TRIM37: variants seen among roughly 807,000 people sequenced by gnomAD.
The protein encoded by TRIM37 is E3 ubiquitin-protein ligase TRIM37.
TRIM37 carries 80 observed loss-of-function variants against 129.8 expected under a neutral mutation model. That is an observed-to-expected ratio of 0.62 (90% CI 0.51 to 0.74). The LOEUF (loss-of-function observed/expected upper bound fraction) is 0.74, where lower values mean the gene tolerates loss of function less well. Among genes scored for constraint, TRIM37 ranks in the 30% least tolerant of loss-of-function variants. The pLI, the probability that TRIM37 is intolerant of heterozygous loss-of-function variation, is 0.00. For synonymous variants in TRIM37, 389 were observed against 387.1 expected (o/e 1.00, Z -0.06); for missense variants, 1,054 against 1,176.5 (o/e 0.90, Z 1.52).
the TRIM37 span, among the ~76,000 whole-genome samples, chr17:58,970,260 C>T: frequency 5.3e-5 from 8 of 152,090 alleles, no homozygotes; most frequent in African/African-American, 2.4e-5. Flanking sequence ...AAAAGAAGAG[C>T]TCATGTCCTA....
intron 17 of TRIM37, among the ~76,000 whole-genome samples, chr17:59,036,648 C>A (rs1286183663): frequency 6.6e-6 from 1 of 152,024 alleles, no homozygotes; most frequent in Non-Finnish European, 1.5e-5. Flanking sequence ...ATAAATATTT[C>A]TTGTTTCAAG....
chr17:59,073,209 A>G (rs1448337725), intron 8 of TRIM37: 5 of 152,242 alleles, frequency 3.3e-5, no homozygotes, highest in Non-Finnish European at 5.9e-5. Context: ...ATACATCCAT[A>G]AACAATGTTC....
At chr17:59,024,719 T>C (rs1158980860) in intron 19 of TRIM37, among the ~76,000 whole-genome samples, 1 of 152,218 alleles carries the variant, frequency 6.6e-6, no homozygotes, top group African/African-American at 2.4e-5. Context: ...TTTGTAGAGA[T>C]TAAGGTCTTG....
chr17:59,081,964 A>AAAAAAAAAAAAAAAAT (rs1568200247), intron 5 of TRIM37, among the ~76,000 whole-genome samples: 1 of 87,228 alleles, frequency 1.1e-5, no homozygotes, highest in Non-Finnish European at 2.2e-5. Context: ...AAAAAAAAAA[A>AAAAAAAAAAAAAAAAT]AATAATAATA....
chr17:59,009,709 G>A (rs1273644034), intron 22 of TRIM37, among the ~76,000 whole-genome samples: 1 of 152,192 alleles, frequency 6.6e-6, no homozygotes, highest in East Asian at 1.9e-4. Flanking sequence ...GCCTCCCAAA[G>A]TGTTGGGACT....
At chr17:59,089,805 T>C (rs2044125164) in intron 3 of TRIM37, among the ~76,000 whole-genome samples, 1 of 152,068 alleles carries the variant, frequency 6.6e-6, no homozygotes, top group South Asian at 2.1e-4. Context: ...TATAAGATAA[T>C]GTAAGAAAGG....
intron 7 of TRIM37, among the ~76,000 whole-genome samples, chr17:59,076,358 T>C (rs1455142666): frequency 6.6e-6 from 1 of 152,162 alleles, no homozygotes; most frequent in African/African-American, 2.4e-5. Flanking sequence ...CTAGGCAACA[T>C]GGTGAGACCC....
rs1036974392 is a variant in TRIM37 at position 59,086,785 on chromosome 17, C to T, written c.281+1506G>A. 2.0e-5 allele frequency among the ~76,000 whole-genome samples: 3 copies of T among 152,124 alleles called. No homozygotes were observed. The East Asian group carries it at 5.8e-4, about 29-fold the overall frequency. On this transcript the variant is annotated intron_variant, in intron 4 of 23. Transcript: ENST00000262294. ...TGCCAAAACTCCTCTTAATTAACAGCCTGTATTCACTTGCAGCAAGGGGAG... is the reference window on the plus strand; with the variant it reads ...TGCCAAAACTCCTCTTAATTAACAGTCTGTATTCACTTGCAGCAAGGGGAG...
chr17:59,036,548 T>A (rs1052368637), intron 17 of TRIM37, among the ~76,000 whole-genome samples: 7 of 151,244 alleles, frequency 4.6e-5, no homozygotes, highest in Non-Finnish European at 1.0e-4. Flanking sequence ...GGTGGCAGAA[T>A]CATGGCTCAC....
At chr17:59,039,117 C>CCCCACT (rs1346817714) in intron 17 of TRIM37, among the ~76,000 whole-genome samples, 1 of 152,104 alleles carries the variant, frequency 6.6e-6, no homozygotes, top group Non-Finnish European at 1.5e-5. Flanking sequence ...ATTGTTCAGT[C>CCCCACT]CCCACTCCAA....
At chr17:58,980,816 C>T (rs150938883), downstream of TRIM37, 4,043 of 1,614,150 alleles carry the variant, frequency 2.5e-3, 24 homozygotes, top group Non-Finnish European at 2.5e-3. This position sits in a 1 kb window ranked among gnomAD's most constrained non-coding sequence, Gnocchi z 4.7. Context: ...CAGGTTTAAT[C>T]CAAAGTTTTA....
At chr17:59,052,655 TAA>T (rs930458339) in intron 13 of TRIM37, among the ~76,000 whole-genome samples, 2 of 151,526 alleles carry the variant, frequency 1.3e-5, no homozygotes, top group African/African-American at 4.9e-5. Flanking sequence ...ACTTGAGTAT[TAA>T]AAAAAGAGAG....
At chr17:59,039,359 T>A (rs1012563374) in intron 17 of TRIM37, among the ~76,000 whole-genome samples, 1 of 151,068 alleles carries the variant, frequency 6.6e-6, no homozygotes. Flanking sequence ...TCTTTTTTTT[T>A]TTTTTGAGAT....
Position 58,998,294 on chromosome 17 carries a change from G to T in TRIM37, c.*1083C>A. On this transcript the variant is annotated 3_prime_UTR_variant, in exon 24 of 24. Coordinates refer to ENST00000262294, the MANE Select transcript of TRIM37 (RefSeq NM_015294.6). ...AGCATTCAGCAAGACATCAGACACGGAAGAGTGAACAATATTCACTAAGTA... is the reference window on the plus strand; with the variant it reads ...AGCATTCAGCAAGACATCAGACACGTAAGAGTGAACAATATTCACTAAGTA... The T allele has an allele frequency of 1.0e-6, 1 of 985,344 alleles. No individual in the cohort carries two copies. Among genetic ancestry groups the T allele is most frequent in the Non-Finnish European group, 1.2e-6 (1 of 829,840 alleles). The allele number at this position is 985,344 out of a possible 1,614,324, so 61.0% of individuals were successfully genotyped here.
chr17:59,105,845 C>A (rs1216790697), intron 1 of TRIM37, among the ~76,000 whole-genome samples: 1 of 152,178 alleles, frequency 6.6e-6, no homozygotes, highest in Non-Finnish European at 1.5e-5. Flanking sequence ...AATGATTACA[C>A]AATTATGTTC....
chr17:59,084,241 G>C (rs1157749284), intron 4 of TRIM37, 152 bp from the exon 5 acceptor site: 2 of 661,406 alleles, frequency 3.0e-6, no homozygotes, highest in Non-Finnish European at 5.1e-6. Context: ...TGAAAAGGAA[G>C]CTAAAGAAGT....
At chr17:59,080,810 G>C (rs1226617945) in intron 6 of TRIM37, among the ~76,000 whole-genome samples, 2 of 151,946 alleles carry the variant, frequency 1.3e-5, no homozygotes, top group Admixed American at 1.3e-4. Flanking sequence ...GAAAAAATAA[G>C]TTAATTATTG....
chr17:58,994,986 T>C (rs1024284833), downstream of TRIM37, among the ~76,000 whole-genome samples: 2 of 152,106 alleles, frequency 1.3e-5, no homozygotes, highest in African/African-American at 4.8e-5. Context: ...CGACCTCAGG[T>C]GATCCACCTG....
intron 7 of TRIM37, among the ~76,000 whole-genome samples, chr17:59,079,121 A>C (rs1431550052): frequency 6.6e-6 from 1 of 152,154 alleles, no homozygotes; most frequent in Non-Finnish European, 1.5e-5. Flanking sequence ...ACTATGATAA[A>C]AAATGCAAAG....
Sources: allele counts gnomAD v4.1 joint callset (sites outside exome capture counted in the v4.1 genomes callset), GRCh38; gene constraint gnomAD v4.1.1; non-coding constraint Gnocchi (gnomAD v3.1); transcripts MANE v1.5; gene names NCBI Gene and HGNC (gene_info 2026-07-23, HGNC 2026-07-21).